Variants in NOTCH1 observed in about 807,000 individuals in gnomAD.
The protein encoded by NOTCH1 is notch receptor 1, also known as neurogenic locus notch homolog protein 1.
In NOTCH1, 37 loss-of-function variants were observed where a neutral mutation model predicts 254.8. The observed-to-expected ratio is 0.15, with a 90% CI of 0.11 to 0.19. The LOEUF (loss-of-function observed/expected upper bound fraction) is 0.19, where lower values mean the gene tolerates loss of function less well. Among genes scored for constraint, NOTCH1 ranks in the 10% least tolerant of loss-of-function variants. The probability of loss-of-function intolerance (pLI) is 1.00; values close to 1 mark genes in which losing one functional copy is unlikely to be tolerated. For synonymous variants in NOTCH1, 1,731 were observed against 1,618.1 expected, an observed-to-expected ratio of 1.07 and a Z score of -1.68; for missense variants, 2,972 against 3,708.6, an observed-to-expected ratio of 0.80 and a Z score of 5.16.
chr9:136,518,139 A>G lies in NOTCH1; in HGVS notation c.1253T>C (p.Leu418Pro). The G allele has an allele frequency of 6.3e-7, 1 of 1,585,748 alleles. No homozygotes were observed. The highest frequency in any genetic ancestry group is 8.6e-7 in the Non-Finnish European group (1 of 1,167,162). The change falls in exon 7 of 34, where the codon CTG (leucine) becomes CCG (proline). Residue 418 changes from leucine (L) to proline (P), a missense_variant and splice_region_variant. By Grantham distance (98) the Leu-to-Pro change is moderately conservative. Coordinates refer to ENST00000651671, the MANE Select transcript of NOTCH1 (RefSeq NM_017617.5). Reference sequence around the variant, plus strand: ...GCACCCCCTGTGCTGGCACCTACCCAGCGAGCACTCATCCACGTCCTGGCT... The same window carrying G: ...GCACCCCCTGTGCTGGCACCTACCCGGCGAGCACTCATCCACGTCCTGGCT... ...ACSQDVDECS[L>P]GANPCEHAGK...
chr9:136,525,741 TG>T (rs969917417), intron 2 of NOTCH1, among the ~76,000 whole-genome samples: 6 of 152,156 alleles, frequency 3.9e-5, no homozygotes, highest in Non-Finnish European at 8.8e-5. Flanking sequence ...GGCAGTGGCC[TG>T]GGGGGGCCTT....
rs1843811179 is a variant in NOTCH1, at chr9:136,545,978, C to CTGCGCT, written c.-198_-193dup. ...GCTCCGCGCCCGGCTCGTTCCTTCG[C>CTGCGCT]TGCGCTCGCGCCCGCGCCCGCGCCC... On this transcript the variant is annotated 5_prime_UTR_variant, in exon 1 of 34. Transcript: ENST00000651671. The surrounding 1 kb of genome is among the most constrained non-coding windows in gnomAD (Gnocchi z 6.8). Among the ~76,000 whole-genome samples the CTGCGCT allele has an allele frequency of 6.8e-6, 1 of 148,098 alleles. No individual in the cohort carries two copies. The highest frequency in any genetic ancestry group is 1.5e-5 in the Non-Finnish European group (1 of 66,414).
At chr9:136,520,905 C>T (rs1260533296) in intron 4 of NOTCH1, among the ~76,000 whole-genome samples, 5 of 152,154 alleles carry the variant, frequency 3.3e-5, no homozygotes, top group Non-Finnish European at 5.9e-5. Flanking sequence ...GGGAAGCCAG[C>T]GAGAGCCCCG....
chr9:136,538,872 A>G (rs2133399629), intron 2 of NOTCH1, among the ~76,000 whole-genome samples: 1 of 152,344 alleles, frequency 6.6e-6, no homozygotes, highest in East Asian at 1.9e-4. Flanking sequence ...TAGACGCCCA[A>G]TCGATTCTGC....
At position 136,523,134 on chromosome 9, in the gene NOTCH1, C is replaced by A; in HGVS notation, c.458G>T (p.Gly153Val). ...GGAGGCCTCGAAGGGCAGGCACTGGCCACCGTTGGCGCAGGGGTTGGAGGC... is the reference window on the plus strand; with the variant it reads ...GGAGGCCTCGAAGGGCAGGCACTGGACACCGTTGGCGCAGGGGTTGGAGGC... ...PCASNPCANGGQCLPFEASYI... is the reference protein window; with the variant it reads ...PCASNPCANGVQCLPFEASYI... The change falls in exon 4 of 34, where the codon GGC becomes GTC. Residue 153 changes from glycine to valine, a missense_variant. Physicochemically the swap from Gly to Val is moderately radical, Grantham distance 109 (BLOSUM62 -3). Transcript: ENST00000651671. 6.2e-7 allele frequency: 1 copy of A among 1,605,056 alleles called. No homozygotes were observed. Among genetic ancestry groups the A allele is most frequent in the East Asian group, 2.2e-5 (1 of 44,556 alleles).
At chr9:136,501,593 C>A (rs1026526195) in intron 30 of NOTCH1, among the ~76,000 whole-genome samples, 155 bp downstream of exon 30, 9 of 152,156 alleles carry the variant, frequency 5.9e-5, no homozygotes, top group African/African-American at 9.7e-5. Flanking sequence ...AGGACCCCCC[C>A]ACGTCTACTC....
At position 136,496,750 on chromosome 9, in the gene NOTCH1, A is replaced by C. The variant is rs1248086563; in HGVS notation, c.6989T>G (p.Val2330Gly). ...PNQYNPLRGS[V>G]APGPLSTQAP... ...CTGTGTGCTCAGGGGGCCTGGTGCC[A>C]CACTCCCCCGCAGAGGGTTGTATTG... Residue 2330 changes from valine to glycine, a missense_variant, in exon 34 of 34, where the codon GTG (valine) becomes GGG (glycine). Val to Gly is a moderately radical substitution (Grantham distance 109). This residue lies in a region of NOTCH1 where 529 missense variants were observed against 529.2 expected (regional missense o/e 1.00). Coordinates refer to ENST00000651671, the MANE Select transcript of NOTCH1 (RefSeq NM_017617.5). The C allele has an allele frequency of 2.5e-6, 4 of 1,612,804 alleles. No homozygotes were observed. In the South Asian group the frequency reaches 4.4e-5, roughly 18 times the overall value.
At position 136,504,935 on chromosome 9, in the gene NOTCH1, G is replaced by A. The variant is rs1418474023; in HGVS notation, c.4756C>T (p.Arg1586Cys). 2.1e-5 allele frequency: 34 copies of A among 1,587,600 alleles called. No individual in the cohort carries two copies. Among genetic ancestry groups the A allele is most frequent in the Admixed American group, 1.4e-4 (8 of 56,454 alleles). The stretch of plus-strand genomic sequence containing the variant: ...CGCAGGAAGTGGAAGGAGCTGTTGC[G>A]CAGCTGCTCCGGCGGCATCAGCACC... ...VVVLMPPEQLRNSSFHFLREL... is the reference protein window; with the variant it reads ...VVVLMPPEQLCNSSFHFLREL... Residue 1586 changes from arginine to cysteine, a missense_variant, in exon 26 of 34, where the codon CGC becomes TGC. Arg to Cys is a radical substitution (Grantham distance 180). Coordinates refer to ENST00000651671, the MANE Select transcript of NOTCH1 (RefSeq NM_017617.5).
In NOTCH1 at chr9:136,505,468, G is replaced by A. The variant is rs765751888; in HGVS notation, c.4428C>T (p.Gly1476=). 1.9e-5 allele frequency: 30 copies of A among 1,612,712 alleles called. No homozygotes were observed. The highest frequency in any genetic ancestry group is 1.6e-4 in the Middle Eastern group (1 of 6,084). Residue 1476 remains glycine, a synonymous_variant, in exon 25 of 34, where the codon GGC becomes GGT. Coordinates refer to ENST00000651671, the MANE Select transcript of NOTCH1 (RefSeq NM_017617.5). ...QCNNHACGWD[G]GDCSLNFNDP... ...CATTGAAGTTGAGGGAGCAGTCACC[G>A]CCGTCCCAGCCGCACGCGTGGTTGT...
chr9:136,519,348 C>T, intron 5 of NOTCH1, 95 bp downstream of exon 5: 1 of 1,554,274 alleles, frequency 6.4e-7, no homozygotes, highest in East Asian at 2.3e-5. Flanking sequence ...GGGACAGGGT[C>T]TCGGCTGCTC....
At position 136,523,006 on chromosome 9, in the gene NOTCH1, G is replaced by T. The variant is rs777155621; in HGVS notation, c.586C>A (p.His196Asn). The change falls in exon 4 of 34, where the codon CAC becomes AAC. Residue 196 changes from histidine (H) to asparagine (N), a missense_variant. Around this residue, in one of 8 missense-constraint regions of NOTCH1, gnomAD observed 374 missense variants for 496.3 expected, o/e 0.75. Transcript: ENST00000651671. ...PGLCRHGGTC[H>N]NEVGSYRCVC... The stretch of plus-strand genomic sequence containing the variant: ...CAGCGGTAGGAGCCGACCTCGTTGT[G>T]GCAGGTGCCTCCGTGGCGGCAAAGC... 2 of 1,552,750 alleles carry T rather than the reference G, an allele frequency of 1.3e-6. No individual in the cohort carries two copies. The highest frequency in any genetic ancestry group is 2.0e-5 in the Admixed American group (1 of 51,270).
In NOTCH1 at chr9:136,515,525, G is replaced by A. The variant is rs774622686; in HGVS notation, c.1861C>T (p.Arg621Cys). ...CAGAAGCAGAGGTAGGCGTTGTCGC[G>A]GTCCTGGCAGGTGCCCCCGTGGCGG... Reference protein sequence around the residue: ...PCRHGGTCQDRDNAYLCFCLK... With the variant: ...PCRHGGTCQDCDNAYLCFCLK... Residue 621 changes from arginine to cysteine, a missense_variant, in exon 11 of 34, where the codon CGC becomes TGC. Around this residue, in one of 8 missense-constraint regions of NOTCH1, gnomAD observed 1,343 missense variants for 1,557.0 expected, o/e 0.86. Transcript: ENST00000651671. 3.8e-5 allele frequency: 62 copies of A among 1,611,668 alleles called. No individual in the cohort carries two copies. The highest frequency in any genetic ancestry group is 5.0e-5 in the Non-Finnish European group (59 of 1,179,808).
rs1842960290 is a variant in NOTCH1 at position 136,499,168 on chromosome 9, C to T, written c.6026G>A (p.Gly2009Asp). The T allele has an allele frequency of 6.2e-7, 1 of 1,613,326 alleles. No homozygotes were observed. Among genetic ancestry groups the T allele is most frequent in the Admixed American group, 1.7e-5 (1 of 60,024 alleles). The part of the protein sequence containing the change: ...LILAARLAVE[G>D]MLEDLINSHA... ...TGAGTTGATGAGGTCCTCCAGCATG[C>T]CCTCCACGGCCAGGCGGGCAGCCAG... Residue 2009 changes from glycine to aspartate, a missense_variant, in exon 32 of 34, where the codon GGC becomes GAC. Around this residue, in one of 8 missense-constraint regions of NOTCH1, gnomAD observed 421 missense variants for 604.4 expected, o/e 0.70. Transcript: ENST00000651671.
chr9:136,498,476 G>C (rs1403684894), intron 33 of NOTCH1, among the ~76,000 whole-genome samples: 3 of 152,180 alleles, frequency 2.0e-5, no homozygotes. Context: ...CGCGTGTTCT[G>C]GCTCAATCTG....
At chr9:136,543,758 G>A (rs1375548150) in intron 2 of NOTCH1, 6 of 590,372 alleles carry the variant, frequency 1.0e-5, no homozygotes, top group African/African-American at 1.9e-5. Context: ...GGGGTACTGG[G>A]ACTCCCACTT....
intron 30 of NOTCH1, among the ~76,000 whole-genome samples, chr9:136,501,504 G>GA (rs1160537239): frequency 6.6e-6 from 1 of 151,874 alleles, no homozygotes; most frequent in African/African-American, 2.4e-5. Flanking sequence ...GAAGGTTTCA[G>GA]AAAAGAGTAA....
rs146264157 is a variant in NOTCH1 at position 136,519,192 on chromosome 9, C to T, written c.865+251G>A. Among the ~76,000 whole-genome samples, 2,545 of 152,354 alleles carry T rather than the reference C, an allele frequency of 0.017. 38 individuals carry two copies. The highest frequency in any genetic ancestry group is 0.075 in the Middle Eastern group (22 of 294). ...ACACCCCACTGGGCACAGGGGCTGC[C>T]TGGAGCCAGGTTGCAAACGGCCCAC... On this transcript the variant is annotated intron_variant, in intron 5 of 33. Transcript: ENST00000651671.
chr9:136,536,953 T>G (rs1312593731), intron 2 of NOTCH1, among the ~76,000 whole-genome samples: 1 of 152,130 alleles, frequency 6.6e-6, no homozygotes, highest in Non-Finnish European at 1.5e-5. Context: ...GTGTGCCTCC[T>G]GGGGGCTAAG....
At chr9:136,536,388 G>C (rs906997132) in intron 2 of NOTCH1, among the ~76,000 whole-genome samples, 5 of 152,186 alleles carry the variant, frequency 3.3e-5, no homozygotes, top group African/African-American at 1.2e-4. Flanking sequence ...CCTGGATCTA[G>C]GCCAGGGCAT....
Sources: gnomAD v4.1 joint callset for allele counts (sites outside exome capture counted in the v4.1 genomes callset) on GRCh38, gnomAD v4.1.1 for gene constraint, gnomAD v4.1.1 regional missense constraint, Gnocchi (gnomAD v3.1) non-coding constraint, MANE v1.5 for transcripts, NCBI Gene and HGNC (gene_info 2026-07-23, HGNC 2026-07-21) for gene names.